The following CPM variants were observed in gnomAD, a reference collection of about 807,000 sequenced individuals.
The protein encoded by CPM is renal carboxypeptidase.
Under a neutral mutation model 46.4 loss-of-function variants are expected in CPM, and 35 were observed. The ratio of observed to expected loss-of-function variants is 0.75; its 90% CI spans 0.58 to 1.00. CPM has a LOEUF of 1.00. Among genes scored for constraint, CPM ranks in the 50% least tolerant of loss-of-function variants. The pLI is 0.00. For synonymous variants in CPM, 195 were observed against 195.3 expected (o/e 1.00, Z 0.01); for missense variants, 422 against 530.4 (o/e 0.80, Z 2.01).
At chr12:68,897,508 T>C (rs1144954) in intron 2 of CPM, among the ~76,000 whole-genome samples, 49,948 of 151,796 alleles carry the variant, frequency 0.33, 10,465 homozygotes, top group African/African-American at 0.6. Context: ...TTGGCCAAGG[T>C]GGGCAGATCA....
intron 2 of CPM, among the ~76,000 whole-genome samples, chr12:68,912,821 A>G (rs1424632484): frequency 2.0e-5 from 3 of 152,220 alleles, no homozygotes; most frequent in African/African-American, 7.2e-5. Flanking sequence ...AGCAAGCCTC[A>G]GGGTTTTGGC....
At chr12:68,899,710 G>A (rs969153564) in intron 2 of CPM, among the ~76,000 whole-genome samples, 1 of 152,220 alleles carries the variant, frequency 6.6e-6, no homozygotes, top group African/African-American at 2.4e-5. Flanking sequence ...GACTGTAGAC[G>A]ATGGGTGAGC....
At chr12:68,847,678 C>T (rs1884426163), downstream of CPM, 1 of 151,894 alleles carries the variant, frequency 6.6e-6, no homozygotes, top group Non-Finnish European at 1.5e-5. Context: ...TGGTCTCGAT[C>T]TCCTGACCTT....
chr12:68,901,312 A>T (rs1157837891), intron 2 of CPM, among the ~76,000 whole-genome samples: 1 of 152,198 alleles, frequency 6.6e-6, no homozygotes, highest in African/African-American at 2.4e-5. Context: ...TGCGGCTTGT[A>T]AGGGTGGGAT....
At position 68,870,300 on chromosome 12, in the gene CPM, C is replaced by T. The variant is rs1292638463; in HGVS notation, c.531G>A (p.Trp177Ter). 1 of 1,614,204 alleles carries T rather than the reference C, an allele frequency of 6.2e-7. No homozygotes were observed. Among genetic ancestry groups the T allele is most frequent in the Non-Finnish European group, 8.5e-7 (1 of 1,180,038 alleles). The change falls in exon 5 of 9, where the codon TGG becomes TGA. Residue 177 changes from tryptophan (W) to a stop codon, truncating the protein, a stop_gained. Transcript: ENST00000551568. LOFTEE classifies it high-confidence loss of function. Reference protein sequence around the residue: ...RQPETVAVMKWLKTETFVLSA... With the variant: ...RQPETVAVMK ...AGAGGACAAACGTCTCTGTTTTCAG[C>T]CACTTCATGACTGCCACAGTTTCAG...
At chr12:68,879,417 A>G (rs1334967672) in intron 3 of CPM, among the ~76,000 whole-genome samples, 1 of 152,070 alleles carries the variant, frequency 6.6e-6, no homozygotes, top group Non-Finnish European at 1.5e-5. Flanking sequence ...AGGCTGAAGT[A>G]CAGTGGTGTG....
At chr12:68,928,742 CTT>C (rs398020021) in intron 2 of CPM, among the ~76,000 whole-genome samples, 28 of 142,074 alleles carry the variant, frequency 2.0e-4, no homozygotes, top group Admixed American at 2.1e-4. Context: ...AGACAAGATA[CTT>C]TTTTTTTTTT....
chr12:68,922,666 G>A (rs1250729953), intron 2 of CPM, among the ~76,000 whole-genome samples: 1 of 148,438 alleles, frequency 6.7e-6, no homozygotes, highest in Non-Finnish European at 1.5e-5. Context: ...CCCTCCAGTT[G>A]AGCTTGACAA....
intron 2 of CPM, 63 bp downstream of exon 2, chr12:68,932,615 A>G: frequency 6.3e-7 from 1 of 1,587,596 alleles, no homozygotes; most frequent in Non-Finnish European, 8.6e-7. Flanking sequence ...GCTGGGGCAT[A>G]TTTAATGAAT....
At chr12:68,952,332 T>C (rs1406804250) in intron 1 of CPM, among the ~76,000 whole-genome samples, 2 of 152,206 alleles carry the variant, frequency 1.3e-5, no homozygotes, top group South Asian at 2.1e-4. Flanking sequence ...TGAGGTTACT[T>C]TGTTCTGGCA....
intron 8 of CPM, among the ~76,000 whole-genome samples, chr12:68,857,776 A>G (rs1486153154): frequency 2.0e-5 from 3 of 152,190 alleles, no homozygotes; most frequent in African/African-American, 7.2e-5. Context: ...ACTAATGGGA[A>G]ATGAACAATT....
At chr12:68,927,410 T>C (rs1888314707) in intron 2 of CPM, among the ~76,000 whole-genome samples, 2 of 152,208 alleles carry the variant, frequency 1.3e-5, no homozygotes. Flanking sequence ...TCGATGGGGT[T>C]GTCTGTTTTT....
At chr12:68,958,057 T>C (rs1224459113) in intron 1 of CPM, among the ~76,000 whole-genome samples, 2 of 152,236 alleles carry the variant, frequency 1.3e-5, no homozygotes, top group African/African-American at 2.4e-5. Context: ...TTCCATGGTA[T>C]ACATGTGCCA....
rs1469059561 is a variant in CPM at position 68,854,406 on chromosome 12, G to A, written c.*2031C>T. 1 of 152,182 alleles carries A rather than the reference G, an allele frequency of 6.6e-6. No homozygotes were observed. Among genetic ancestry groups the A allele is most frequent in the Non-Finnish European group, 1.5e-5 (1 of 68,022 alleles). 9.4% of individuals were successfully genotyped at this position (152,182 alleles called of 1,614,324 possible). On this transcript the variant is annotated 3_prime_UTR_variant, in exon 9 of 9. Coordinates refer to ENST00000551568, the MANE Select transcript of CPM (RefSeq NM_198320.5). ...ACATTCTACTAGAGAAGGCACACAT[G>A]GAGAAGATTATAATACAATGTTGTA...
chr12:68,939,191 G>A (rs1888722086), intron 1 of CPM, among the ~76,000 whole-genome samples: 1 of 144,742 alleles, frequency 6.9e-6, no homozygotes, highest in Non-Finnish European at 1.5e-5. Flanking sequence ...ATGTATATAT[G>A]TATGTACATC....
At chr12:68,909,005 A>G (rs1887468021) in intron 2 of CPM, among the ~76,000 whole-genome samples, 1 of 152,210 alleles carries the variant, frequency 6.6e-6, no homozygotes, top group Admixed American at 6.5e-5. Flanking sequence ...CTCAATGTTT[A>G]TCTAATGTTG....
intron 3 of CPM, among the ~76,000 whole-genome samples, chr12:68,881,848 G>A (rs549807042): frequency 2.0e-5 from 3 of 151,238 alleles, no homozygotes; most frequent in East Asian, 2.0e-4. Context: ...AGCCTACCAA[G>A]TAGCTGGGAT....
chr12:68,869,767 T>C (rs531273501), intron 5 of CPM, among the ~76,000 whole-genome samples: 1 of 152,250 alleles, frequency 6.6e-6, no homozygotes, highest in East Asian at 1.9e-4. Context: ...TTTCTGGAGG[T>C]AAGGACAATT....
intron 2 of CPM, among the ~76,000 whole-genome samples, chr12:68,897,417 C>A (rs1886919234): frequency 6.6e-6 from 1 of 151,992 alleles, no homozygotes; most frequent in Non-Finnish European, 1.5e-5. Flanking sequence ...ACCAGATCAT[C>A]TTTTTGAAGG....
Sources: gnomAD v4.1 joint callset for allele counts (sites outside exome capture counted in the v4.1 genomes callset) on GRCh38, gnomAD v4.1.1 for gene constraint, MANE v1.5 for transcripts, NCBI Gene and HGNC (gene_info 2026-07-23, HGNC 2026-07-21) for gene names.